DAB1: variants seen among roughly 807,000 people sequenced by gnomAD.
DAB1 encodes DAB adaptor protein 1, also known as disabled homolog 1.
DAB1 carries 15 observed loss-of-function variants against 64.6 expected under a neutral mutation model. The observed-to-expected ratio is 0.23, with a 90% CI of 0.16 to 0.36. DAB1 has a LOEUF of 0.36. Ranked by LOEUF, DAB1 falls within the 10% of genes least tolerant of loss-of-function variation. The pLI, the probability that DAB1 is intolerant of heterozygous loss-of-function variation, is 1.00. For missense variants in DAB1, 596 were observed against 706.7 expected, an observed-to-expected ratio of 0.84 and a Z score of 1.78; for synonymous variants, 235 against 251.9, an observed-to-expected ratio of 0.93 and a Z score of 0.64.
At position 58,418,740 on chromosome 1, in the gene DAB1, C is replaced by T. The variant is rs568881158; in HGVS notation, n.258-75337G>A. Among the ~76,000 whole-genome samples the T allele has an allele frequency of 2.6e-5, 4 of 152,122 alleles. No individual in the cohort carries two copies. The South Asian group carries it at 8.3e-4, about 32-fold the overall frequency. On this transcript the variant is annotated intron_variant and non_coding_transcript_variant, in intron 3 of 20. Transcript: ENST00000485760. ...TTCTAGGCAGAGGAAAGAGCAAATG[C>T]AAAGTCATGATGGGTGTTATTTGTT...
intron 1 of DAB1, among the ~76,000 whole-genome samples, chr1:58,544,652 TG>T (rs1646672904): frequency 6.6e-6 from 1 of 152,206 alleles, no homozygotes; most frequent in Admixed American, 6.5e-5. Flanking sequence ...TGGAGTGCAG[TG>T]GTGCCACCTC....
chr1:57,821,120 C>T (rs999885985), downstream of DAB1, among the ~76,000 whole-genome samples: 2 of 151,962 alleles, frequency 1.3e-5, no homozygotes, highest in Non-Finnish European at 2.9e-5. Flanking sequence ...TTAAATATAC[C>T]ATCAACATCC....
In DAB1 at chr1:57,609,198, G is replaced by T. The variant is rs1469470900; in HGVS notation, n.625+40394C>A. 2.6e-5 allele frequency among the ~76,000 whole-genome samples: 4 copies of T among 152,280 alleles called. No individual in the cohort carries two copies. In the East Asian group the frequency reaches 7.7e-4, roughly 29 times the overall value. On this transcript the variant is annotated intron_variant and non_coding_transcript_variant, in intron 7 of 20. Coordinates refer to the DAB1 transcript ENST00000485760. The stretch of plus-strand genomic sequence containing the variant: ...TAAATACAGTCAGTTCTCCGTATCT[G>T]TGGGTTCTGCATCTGTGGATACAAC...
At chr1:57,217,456 T>C (rs1236445634) in intron 2 of DAB1, among the ~76,000 whole-genome samples, 1 of 152,130 alleles carries the variant, frequency 6.6e-6, no homozygotes, top group African/African-American at 2.4e-5. Context: ...CTACCTCCAA[T>C]TTGTGTTATC....
chr1:57,041,561 T>A (rs1239014508), intron 9 of DAB1, among the ~76,000 whole-genome samples: 1 of 152,246 alleles, frequency 6.6e-6, no homozygotes, highest in Non-Finnish European at 1.5e-5. Context: ...TTAGACTCGA[T>A]TACTATCCTT....
intron 7 of DAB1, among the ~76,000 whole-genome samples, chr1:57,499,441 C>T (rs945069162): frequency 1.1e-4 from 17 of 152,106 alleles, no homozygotes; most frequent in Non-Finnish European, 1.8e-4. Flanking sequence ...ATATATTTAT[C>T]GCACAGAGTG....
intron 1 of DAB1, among the ~76,000 whole-genome samples, chr1:57,357,860 G>A (rs1225896640): frequency 6.6e-6 from 1 of 151,890 alleles, no homozygotes; most frequent in African/African-American, 2.4e-5. Flanking sequence ...CCATCCCCAT[G>A]ATTCAATTAC....
chr1:58,483,977 C>T (rs139368644), intron 3 of DAB1, among the ~76,000 whole-genome samples: 1 of 152,312 alleles, frequency 6.6e-6, no homozygotes, highest in Non-Finnish European at 1.5e-5. Flanking sequence ...ACTGGCACAG[C>T]TGAGTGTGGC....
At chr1:58,074,682 C>A (rs569249686) in intron 5 of DAB1, among the ~76,000 whole-genome samples, 2 of 150,674 alleles carry the variant, frequency 1.3e-5, no homozygotes, top group East Asian at 3.9e-4. Flanking sequence ...GTAAACTCGT[C>A]TTCCCAGGAA....
chr1:57,842,808 G>T (rs1653114848), intron 1 of DAB1, among the ~76,000 whole-genome samples: 1 of 152,224 alleles, frequency 6.6e-6, no homozygotes, highest in South Asian at 2.1e-4. Context: ...TTCTAGATGA[G>T]ATTTGGGTGG....
At chr1:57,689,395 G>A (rs767317821) in intron 6 of DAB1, among the ~76,000 whole-genome samples, 5 of 152,176 alleles carry the variant, frequency 3.3e-5, no homozygotes, top group Non-Finnish European at 7.3e-5. Context: ...AGATTAGTTA[G>A]TATCATTTAG....
chr1:57,511,938 A>G (rs1241452194), intron 7 of DAB1, among the ~76,000 whole-genome samples: 1 of 152,200 alleles, frequency 6.6e-6, no homozygotes, highest in African/African-American at 2.4e-5. Flanking sequence ...ACTAGTGATA[A>G]TAACAATCAC....
chr1:57,019,624 C>T (rs551554079), intron 11 of DAB1, among the ~76,000 whole-genome samples: 5 of 152,294 alleles, frequency 3.3e-5, no homozygotes, highest in South Asian at 4.1e-4. Flanking sequence ...CGAAGGGACA[C>T]GTCAGCAGCA....
intron 5 of DAB1, among the ~76,000 whole-genome samples, chr1:57,970,630 C>T (rs1473323722): frequency 6.6e-6 from 1 of 152,164 alleles, no homozygotes; most frequent in Non-Finnish European, 1.5e-5. Context: ...GCTTAATCAA[C>T]ATGAATAAGA....
chr1:58,387,466 T>C (rs1362067974), intron 3 of DAB1, among the ~76,000 whole-genome samples: 2 of 152,104 alleles, frequency 1.3e-5, no homozygotes, highest in Admixed American at 6.5e-5. Flanking sequence ...CAAAGAACAA[T>C]GGCCCAAGAC....
chr1:57,793,362 G>A (rs751234351), intron 6 of DAB1, among the ~76,000 whole-genome samples: 16 of 152,112 alleles, frequency 1.1e-4, no homozygotes, highest in Non-Finnish European at 2.9e-5. Context: ...TTTTCATAAG[G>A]CATTGTGTTT....
At chr1:57,008,424 G>T (rs1350180830) in intron 14 of DAB1, among the ~76,000 whole-genome samples, 2 of 152,162 alleles carry the variant, frequency 1.3e-5, no homozygotes, top group African/African-American at 4.8e-5. Flanking sequence ...TGATGATAAT[G>T]ATGATGATAA....
intron 1 of DAB1, among the ~76,000 whole-genome samples, chr1:57,327,762 G>A (rs867519047): frequency 6.6e-6 from 1 of 152,064 alleles, no homozygotes; most frequent in East Asian, 1.9e-4. Flanking sequence ...GTAGCTCAAC[G>A]GTGGCCTCTT....
intron 1 of DAB1, among the ~76,000 whole-genome samples, chr1:57,319,937 G>A (rs1675559417): frequency 6.6e-6 from 1 of 152,264 alleles, no homozygotes; most frequent in Admixed American, 6.5e-5. Context: ...AGCTATCCTG[G>A]GACCAGGAAG....
Sources: allele counts gnomAD v4.1 joint callset (sites outside exome capture counted in the v4.1 genomes callset), GRCh38; gene constraint gnomAD v4.1.1; transcripts MANE v1.5; gene names NCBI Gene and HGNC (gene_info 2026-07-23, HGNC 2026-07-21).